Variants in ETAA1 observed in about 807,000 individuals in gnomAD.
The protein encoded by ETAA1 is ETAA1 activator of ATR kinase, also known as ewing's tumor-associated antigen 1.
In ETAA1, 49 loss-of-function variants were observed where a neutral mutation model predicts 76.8. The ratio of observed to expected loss-of-function variants is 0.64; its 90% CI spans 0.51 to 0.81. ETAA1 has a LOEUF of 0.81. Ranked by LOEUF, ETAA1 falls within the 30% of genes least tolerant of loss-of-function variation. The pLI, the probability that ETAA1 is intolerant of heterozygous loss-of-function variation, is 0.00. For synonymous variants in ETAA1, 373 were observed against 372.2 expected (o/e 1.00, Z -0.03); for missense variants, 1,099 against 1,074.0 (o/e 1.02, Z -0.32).
intron 3 of ETAA1, chr2:67,400,512 A>G (rs952487521): frequency 6.6e-6 from 1 of 152,068 alleles, no homozygotes; most frequent in Admixed American, 6.6e-5. Flanking sequence ...AAATAGAAAT[A>G]TGTTCAAGTC....
chr2:67,399,341 A>C (rs1478628445), intron 2 of ETAA1, 44 bp downstream of exon 2: 1 of 1,527,628 alleles, frequency 6.5e-7, no homozygotes, highest in Non-Finnish European at 9.0e-7. Flanking sequence ...ATATTTGATA[A>C]ATGATTCAGA....
chr2:67,404,321 A>G lies in ETAA1; in HGVS notation c.1639A>G (p.Asn547Asp). The change falls in exon 5 of 6, where the codon AAT (asparagine) becomes GAT (aspartate). Residue 547 changes from asparagine (N) to aspartate (D), a missense_variant. By Grantham distance (23) the Asn-to-Asp change is conservative (BLOSUM62 1). Coordinates refer to ENST00000272342, the MANE Select transcript of ETAA1 (RefSeq NM_019002.4). ...AAATCAGTCTATTAAAGCCCCTGTT[A>G]ATACTGATCTTTTTGGCTCTGCAAA... ...ILNQSIKAPV[N>D]TDLFGSANLG... 2 of 1,613,038 alleles carry G rather than the reference A, an allele frequency of 1.2e-6. No individual in the cohort carries two copies. The highest frequency in any genetic ancestry group is 1.7e-6 in the Non-Finnish European group (2 of 1,179,380).
chr2:67,404,203 G>A lies in ETAA1; in HGVS notation c.1521G>A (p.Lys507=), dbSNP rs1026604128. ...TTACATCTAATCTGACAAAAATAAAGGAAGATATTCTTACTAACTCTACTG... is the reference window on the plus strand; with the variant it reads ...TTACATCTAATCTGACAAAAATAAAAGAAGATATTCTTACTAACTCTACTG... ...CIVTSNLTKI[K]EDILTNSTEA... is the part of the protein sequence containing the mutation. Residue 507 remains lysine, a synonymous_variant, in exon 5 of 6, where the codon AAG becomes AAA. Coordinates refer to ENST00000272342, the MANE Select transcript of ETAA1 (RefSeq NM_019002.4). The A allele has an allele frequency of 6.2e-7, 1 of 1,610,988 alleles. No individual in the cohort carries two copies. The highest frequency in any genetic ancestry group is 8.5e-7 in the Non-Finnish European group (1 of 1,178,642).
chr2:67,397,748 G>C, intron 1 of ETAA1, 77 bp downstream of exon 1: 1 of 1,394,218 alleles, frequency 7.2e-7, no homozygotes, highest in Non-Finnish European at 9.8e-7. Context: ...GGGAAATCTG[G>C]GGTGGGGGTG....
At position 67,410,656 on chromosome 2, in the gene ETAA1, A is replaced by G. The variant is rs1676348539; in HGVS notation, c.*618A>G. Reference sequence around the variant, plus strand: ...AACTTTGATTTTAGAAGTCTAACATAGAGGAAAAGAAGTAGTGGATTGTCT... The same window carrying G: ...AACTTTGATTTTAGAAGTCTAACATGGAGGAAAAGAAGTAGTGGATTGTCT... On this transcript the variant is annotated 3_prime_UTR_variant, in exon 6 of 6. Coordinates refer to ENST00000272342, the MANE Select transcript of ETAA1 (RefSeq NM_019002.4). 2 of 152,126 alleles carry G rather than the reference A, an allele frequency of 1.3e-5. No individual in the cohort carries two copies. The highest frequency in any genetic ancestry group is 2.9e-5 in the Non-Finnish European group (2 of 67,998). 9.4% of individuals were successfully genotyped at this position (152,126 alleles called of 1,614,324 possible). A position where few individuals can be genotyped will look rare whatever the true frequency, so the allele number is the denominator to read the frequency against.
In ETAA1 at chr2:67,397,357, T is replaced by C; in HGVS notation, c.-92T>C. The C allele has an allele frequency of 3.0e-6, 4 of 1,337,372 alleles. No homozygotes were observed. The highest frequency in any genetic ancestry group is 4.2e-6 in the Non-Finnish European group (4 of 954,932). The allele number at this position is 1,337,372 out of a possible 1,614,324, so 82.8% of individuals were successfully genotyped here. The stretch of plus-strand genomic sequence containing the variant: ...CACCGACCAAAATGGCGGCTGCCGT[T>C]GGTGCGGGGTGCGGTTTGTAGTGCT... On this transcript the variant is annotated 5_prime_UTR_variant, in exon 1 of 6. Coordinates refer to ENST00000272342, the MANE Select transcript of ETAA1 (RefSeq NM_019002.4).
At position 67,399,567 on chromosome 2, in the gene ETAA1, C is replaced by A. The variant is rs1675996293; in HGVS notation, c.370C>A (p.Gln124Lys). Reference protein sequence around the residue: ...TKQLGKGRKKQIYTTDSDEIS... With the variant: ...TKQLGKGRKKKIYTTDSDEIS... ...TTCTTTAGGTAAAGGAAGAAAAAAACAGATTTACACCACAGATAGTGATGA... is the reference window on the plus strand; with the variant it reads ...TTCTTTAGGTAAAGGAAGAAAAAAAAAGATTTACACCACAGATAGTGATGA... Residue 124 changes from glutamine (Q) to lysine (K), a missense_variant, in exon 3 of 6, where the codon CAG becomes AAG. By Grantham distance (53) the Gln-to-Lys change is moderately conservative. Around this residue, in one of 3 missense-constraint regions of ETAA1, gnomAD observed 761 missense variants for 731.9 expected, o/e 1.04. Coordinates refer to ENST00000272342, the MANE Select transcript of ETAA1 (RefSeq NM_019002.4). 1.9e-6 allele frequency: 3 copies of A among 1,604,190 alleles called. No homozygotes were observed. Among genetic ancestry groups the A allele is most frequent in the African/African-American group, 2.7e-5 (2 of 74,550 alleles).
At position 67,403,792 on chromosome 2, in the gene ETAA1, C is replaced by T. The variant is rs772546433; in HGVS notation, c.1110C>T (p.Tyr370=). 6.2e-7 allele frequency: 1 copy of T among 1,613,290 alleles called. No individual in the cohort carries two copies. The highest frequency in any genetic ancestry group is 2.2e-5 in the East Asian group (1 of 44,854). ...AGGAGCCAGAAACTTCTAATAAGTA[C>T]ATTGATGCATTTACTACAAGTGATT... ...CTKEPETSNK[Y]IDAFTTSDFE... The change falls in exon 5 of 6, where the codon TAC becomes TAT. Residue 370 remains tyrosine, a synonymous_variant. Transcript: ENST00000272342.
At chr2:67,407,024 C>T (rs1676239850) in intron 5 of ETAA1, among the ~76,000 whole-genome samples, 1 of 151,974 alleles carries the variant, frequency 6.6e-6, no homozygotes, top group South Asian at 2.1e-4. Flanking sequence ...ATAATTGTAT[C>T]TGTTAATTCC....
rs1675903798 is a variant in ETAA1 at position 67,397,470 on chromosome 2, G to A, written c.22G>A (p.Asp8Asn). The change falls in exon 1 of 6, where the codon GAT becomes AAT. Residue 8 changes from aspartate to asparagine, a missense_variant. By Grantham distance (23) the Asp-to-Asn change is conservative (BLOSUM62 1). This residue lies in a region of ETAA1 where 761 missense variants were observed against 731.9 expected (regional missense o/e 1.04). Transcript: ENST00000272342. MSRRRKH[D>N]DSPSPKKTPH... ...GGCAATGAGTCGGCGAAGGAAACAT[G>A]ATGACAGCCCTAGCCCGAAGAAAAC... 1 of 1,601,000 alleles carries A rather than the reference G, an allele frequency of 6.2e-7. No individual in the cohort carries two copies. The highest frequency in any genetic ancestry group is 1.7e-5 in the Admixed American group (1 of 58,350).
rs1411022298 is a variant in ETAA1, at chr2:67,403,253, C to T, written c.571C>T (p.Leu191Phe). Residue 191 changes from leucine to phenylalanine, a missense_variant, in exon 5 of 6, where the codon CTT (leucine) becomes TTT (phenylalanine). This residue lies in a region of ETAA1 where 761 missense variants were observed against 731.9 expected (regional missense o/e 1.04). Transcript: ENST00000272342. ...KLKTQSQEEE[L>F]MKLAKQFDKN... ...AAAAACACAAAGTCAAGAAGAAGAA[C>T]TTATGAAACTGGCTAAACAATTTGA... is the stretch of plus-strand genomic sequence containing the variant. 1 of 1,575,024 alleles carries T rather than the reference C, an allele frequency of 6.3e-7. No individual in the cohort carries two copies. Among genetic ancestry groups the T allele is most frequent in the South Asian group, 1.2e-5 (1 of 84,338 alleles).
In ETAA1 at chr2:67,404,459, T is replaced by C. The variant is rs1375536377; in HGVS notation, c.1777T>C (p.Cys593Arg). 6.2e-7 allele frequency: 1 copy of C among 1,613,294 alleles called. No homozygotes were observed. Among genetic ancestry groups the C allele is most frequent in the South Asian group, 1.1e-5 (1 of 91,058 alleles). ...ATTTGCCAATGAAATTATTAAAGCA[T>C]GTCATCAATTAGATAATACCTGGGA... ...PSFANEIIKA[C>R]HQLDNTWEAD... The change falls in exon 5 of 6, where the codon TGT becomes CGT. Residue 593 changes from cysteine to arginine, a missense_variant. Around this residue, in one of 3 missense-constraint regions of ETAA1, gnomAD observed 761 missense variants for 731.9 expected, o/e 1.04. Transcript: ENST00000272342.
chr2:67,401,061 T>C (rs1676042785), intron 3 of ETAA1: 1 of 152,030 alleles, frequency 6.6e-6, no homozygotes, highest in Non-Finnish European at 1.5e-5. Flanking sequence ...GTCTAAATAG[T>C]GATAAAAAGA....
At chr2:67,407,508 C>T (rs1676252162) in intron 5 of ETAA1, among the ~76,000 whole-genome samples, 1 of 152,054 alleles carries the variant, frequency 6.6e-6, no homozygotes, top group African/African-American at 2.4e-5. Flanking sequence ...CCTAGCATGA[C>T]TTTATTTACA....
chr2:67,410,743 C>G lies in ETAA1; in HGVS notation c.*705C>G, dbSNP rs772056632. The G allele has an allele frequency of 6.6e-6, 1 of 151,960 alleles. No homozygotes were observed. Among genetic ancestry groups the G allele is most frequent in the African/African-American group, 2.4e-5 (1 of 41,418 alleles). The allele number at this position is 151,960 out of a possible 1,614,324, so 9.4% of individuals were successfully genotyped here. ...GCAGAAACTTCATATGTCATCTGGT[C>G]CAGCTTCCTTATTGTATCGGTGAGA... On this transcript the variant is annotated 3_prime_UTR_variant, in exon 6 of 6. Coordinates refer to ENST00000272342, the MANE Select transcript of ETAA1 (RefSeq NM_019002.4).
intron 5 of ETAA1, among the ~76,000 whole-genome samples, chr2:67,407,074 A>G (rs1156556887): frequency 1.3e-5 from 2 of 152,072 alleles, no homozygotes; most frequent in African/African-American, 4.8e-5. Context: ...AATTTGATGG[A>G]TACCACCAAA....
chr2:67,407,618 C>G (rs1676254925), intron 5 of ETAA1, among the ~76,000 whole-genome samples: 1 of 151,994 alleles, frequency 6.6e-6, no homozygotes, highest in South Asian at 2.1e-4. Context: ...AACTTAACTG[C>G]TAATAGCCTG....
chr2:67,408,632 ATTT>A (rs1484927362), intron 5 of ETAA1, among the ~76,000 whole-genome samples: 1 of 152,116 alleles, frequency 6.6e-6, no homozygotes, highest in Non-Finnish European at 1.5e-5. Context: ...TTCATTGTGT[ATTT>A]TTATTATAGA....
At chr2:67,407,345 G>A (rs1173806341) in intron 5 of ETAA1, among the ~76,000 whole-genome samples, 1 of 151,996 alleles carries the variant, frequency 6.6e-6, no homozygotes, top group Non-Finnish European at 1.5e-5. Flanking sequence ...CTGGGCTGCG[G>A]GTAGCTTGCG....
Sources: gnomAD v4.1 joint callset for allele counts (sites outside exome capture counted in the v4.1 genomes callset) on GRCh38, gnomAD v4.1.1 for gene constraint, gnomAD v4.1.1 regional missense constraint, MANE v1.5 for transcripts, NCBI Gene and HGNC (gene_info 2026-07-23, HGNC 2026-07-21) for gene names.